The following USP43 variants were observed in gnomAD, a reference collection of about 807,000 sequenced individuals.
USP43 encodes the protein ubiquitin carboxyl-terminal hydrolase 43.
Under a neutral mutation model 90.7 loss-of-function variants are expected in USP43, and 33 were observed. That is an observed-to-expected ratio of 0.36 (90% CI 0.28 to 0.49). USP43 has a LOEUF of 0.49. USP43 is among the 20% of genes least tolerant of loss of function. The pLI is 0.98. For synonymous variants in USP43, 598 were observed against 615.8 expected (o/e 0.97, Z 0.43); for missense variants, 1,274 against 1,476.4 (o/e 0.86, Z 2.25).
Position 9,645,739 on chromosome 17 carries a change from G to A in USP43, c.107G>A (p.Gly36Asp), listed in dbSNP as rs1911334200. ...TTCAGCCGCTTCCTGCTGGCGCTGGGCAGCCGCTCACGCCCCGGGGACTCA... is the reference window on the plus strand; with the variant it reads ...TTCAGCCGCTTCCTGCTGGCGCTGGACAGCCGCTCACGCCCCGGGGACTCA... Reference protein sequence around the residue: ...RLFSRFLLALGSRSRPGDSPP... With the variant: ...RLFSRFLLALDSRSRPGDSPP... The change falls in exon 1 of 15, where the codon GGC becomes GAC. Residue 36 changes from glycine to aspartate, a missense_variant. Coordinates refer to ENST00000285199, the MANE Select transcript of USP43 (RefSeq NM_153210.5). The surrounding 1 kb of genome is among the most constrained non-coding windows in gnomAD (Gnocchi z 6.8). 1 of 1,378,128 alleles carries A rather than the reference G, an allele frequency of 7.3e-7. No homozygotes were observed. The allele number at this position is 1,378,128 out of a possible 1,614,324, so 85.4% of individuals were successfully genotyped here.
chr17:9,688,111 A>AC (rs1343261967), intron 8 of USP43, among the ~76,000 whole-genome samples: 1 of 151,358 alleles, frequency 6.6e-6, no homozygotes, highest in Non-Finnish European at 1.5e-5. Flanking sequence ...TCAGCCTCCC[A>AC]AGTAGCTGGG....
intron 1 of USP43, chr17:9,647,071 A>G (rs1911466472): frequency 1.3e-5 from 2 of 148,246 alleles, no homozygotes; most frequent in Non-Finnish European, 1.5e-5. Flanking sequence ...CAAAAAAAAA[A>G]AAAAAAAAAA....
chr17:9,655,271 G>A (rs571987328), intron 1 of USP43, among the ~76,000 whole-genome samples: 19 of 152,100 alleles, frequency 1.2e-4, no homozygotes, highest in Non-Finnish European at 1.5e-4. Flanking sequence ...CGGCCATCAC[G>A]TGCTGTGTGC....
intron 13 of USP43, 29 bp downstream of exon 13, chr17:9,710,143 G>A (rs369975090): frequency 1.4e-6 from 2 of 1,410,448 alleles, no homozygotes; most frequent in East Asian, 2.7e-5. Context: ...GACAGGAGGG[G>A]GGTGTGGGGA....
chr17:9,714,585 A>T (rs867496942), intron 14 of USP43, among the ~76,000 whole-genome samples: 11 of 149,828 alleles, frequency 7.3e-5, no homozygotes, highest in South Asian at 4.3e-4. Flanking sequence ...CAGGAGGCTG[A>T]GGCAGGGGAA....
chr17:9,715,479 T>C (rs979794664), intron 14 of USP43, among the ~76,000 whole-genome samples: 24 of 152,072 alleles, frequency 1.6e-4, no homozygotes, highest in African/African-American at 5.3e-4. Flanking sequence ...AAACCAGCAT[T>C]ACTATGTAAG....
chr17:9,669,817 A>T (rs1913278712), intron 3 of USP43: 1 of 152,624 alleles, frequency 6.6e-6, no homozygotes, highest in Admixed American at 6.5e-5. Context: ...AGTGGGAATA[A>T]TCCTGGCAAG....
At chr17:9,704,608 C>T (rs141028464) in intron 12 of USP43, among the ~76,000 whole-genome samples, 24 of 152,294 alleles carry the variant, frequency 1.6e-4, no homozygotes, top group Non-Finnish European at 2.6e-4. Context: ...TGAGCCACTG[C>T]GCCTGGCCTA....
rs373287152 is a variant in USP43, at chr17:9,728,372, T to C, written c.2754T>C (p.Asn918=). The part of the protein sequence containing the change: ...GPNTARKLKE[N]AGQDIKLPRK... ...ACACAGCAAGGAAACTCAAGGAAAA[T>C]GCAGGGCAGGACATCAAGCTTCCCA... Residue 918 remains asparagine, a synonymous_variant, in exon 15 of 15, where the codon AAT becomes AAC. Transcript: ENST00000285199. The surrounding 1 kb of genome is among the most constrained non-coding windows in gnomAD (Gnocchi z 6.2). The C allele has an allele frequency of 1.9e-5, 30 of 1,608,822 alleles. No homozygotes were observed. The African/African-American group carries it at 3.1e-4, about 16-fold the overall frequency.
rs1912256880 is a variant in USP43 at position 9,656,469 on chromosome 17, C to T, written c.571C>T (p.Leu191Phe). 1 of 1,610,370 alleles carries T rather than the reference C, an allele frequency of 6.2e-7. No homozygotes were observed. The highest frequency in any genetic ancestry group is 8.5e-7 in the Non-Finnish European group (1 of 1,178,418). Residue 191 changes from leucine to phenylalanine, a missense_variant, in exon 2 of 15, where the codon CTC (leucine) becomes TTC (phenylalanine). Physicochemically the swap from Leu to Phe is conservative, Grantham distance 22. Around this residue, in one of 6 missense-constraint regions of USP43, gnomAD observed 259 missense variants for 373.7 expected, o/e 0.69. Transcript: ENST00000285199. ...NSQHDALEFL[L>F]WLLDRVHEDL... ...CCAGCACGACGCCCTGGAATTCCTG[C>T]TCTGGTTGCTGGATCGTGTACATGA...
At chr17:9,683,693 A>G (rs1242696656) in intron 7 of USP43, among the ~76,000 whole-genome samples, 1 of 152,154 alleles carries the variant, frequency 6.6e-6, no homozygotes, top group East Asian at 1.9e-4. Context: ...GTATTACAAT[A>G]TTTTAATAAT....
chr17:9,683,516 T>G (rs1179629136), intron 7 of USP43, among the ~76,000 whole-genome samples: 1 of 152,156 alleles, frequency 6.6e-6, no homozygotes, highest in African/African-American at 2.4e-5. Context: ...TAATAATAAT[T>G]AAACTATTAT....
rs1351886689 is a variant in USP43 at position 9,646,032 on chromosome 17, T to C, written c.400T>C (p.Tyr134His). The C allele has an allele frequency of 2.5e-5, 38 of 1,491,330 alleles. No individual in the cohort carries two copies. The highest frequency in any genetic ancestry group is 2.0e-5 in the Non-Finnish European group (22 of 1,122,384). 92.4% of individuals were successfully genotyped at this position (1,491,330 alleles called of 1,614,324 possible). ...GGCCGAGTTCCTGGCGCTGGGGCGC[T>C]ACCGGGCGGCTCCGGGCCGCGCCGA... ...LLAEFLALGR[Y>H]RAAPGRAEVT... The change falls in exon 1 of 15, where the codon TAC becomes CAC. Residue 134 changes from tyrosine (Y) to histidine (H), a missense_variant. Physicochemically the swap from Tyr to His is moderately conservative, Grantham distance 83. This residue lies in a region of USP43 where 259 missense variants were observed against 373.7 expected (regional missense o/e 0.69). Coordinates refer to ENST00000285199, the MANE Select transcript of USP43 (RefSeq NM_153210.5).
At chr17:9,666,217 C>T (rs749317555) in intron 2 of USP43, among the ~76,000 whole-genome samples, 2 of 152,062 alleles carry the variant, frequency 1.3e-5, no homozygotes, top group Non-Finnish European at 2.9e-5. Context: ...AAAATGTGGG[C>T]AGGAATGATT....
chr17:9,708,148 T>G lies in USP43; in HGVS notation c.2012-1808T>G, dbSNP rs1341018103. 2.0e-5 allele frequency among the ~76,000 whole-genome samples: 3 copies of G among 152,172 alleles called. No homozygotes were observed. In the East Asian group the frequency reaches 5.8e-4, roughly 29 times the overall value. On this transcript the variant is annotated intron_variant, in intron 12 of 14. Transcript: ENST00000285199. ...GAAAGCATTCGGTGTGTTTAAGACA[T>G]GATGACAGCCTGGATGAAGTGTAGC...
Position 9,674,868 on chromosome 17 carries a change from G to A in USP43, c.741-23G>A, listed in dbSNP as rs1245093650. On this transcript the variant is annotated intron_variant, in intron 3 of 14. Coordinates refer to ENST00000285199, the MANE Select transcript of USP43 (RefSeq NM_153210.5). This position sits in a 1 kb window ranked among gnomAD's most constrained non-coding sequence, Gnocchi z 4.4. ...ATTGTTTACGTGTGATTAAACGTTC[G>A]CCTCTGTTCTTCACCCTCACAGATC... 4 of 1,599,720 alleles carry A rather than the reference G, an allele frequency of 2.5e-6. No homozygotes were observed. The highest frequency in any genetic ancestry group is 1.3e-5 in the African/African-American group (1 of 74,660).
At chr17:9,670,435 T>C (rs1053346395) in intron 3 of USP43, among the ~76,000 whole-genome samples, 3 of 151,872 alleles carry the variant, frequency 2.0e-5, no homozygotes, top group African/African-American at 7.3e-5. Flanking sequence ...GCAATGGTGG[T>C]TGGAACTGCA....
chr17:9,655,796 C>T lies in USP43; in HGVS notation c.505-607C>T, dbSNP rs117404777. ...AAGGGCTGGCTCAGCCATTTGATGC[C>T]CTAACCACAGAAACAAGTTTGTATC... On this transcript the variant is annotated intron_variant, in intron 1 of 14. Transcript: ENST00000285199. Among the ~76,000 whole-genome samples the T allele has an allele frequency of 7.9e-5, 12 of 152,248 alleles. No homozygotes were observed. In the East Asian group the frequency reaches 2.1e-3, roughly 27 times the overall value.
Position 9,729,310 on chromosome 17 carries a change from G to C in USP43, c.*320G>C, listed in dbSNP as rs186609445. ...AAGAGTTTTGGATGTGGGCAAACAA[G>C]ATGAGGCTGGTTTAATAAGAATCTT... On this transcript the variant is annotated 3_prime_UTR_variant, in exon 15 of 15. Coordinates refer to ENST00000285199, the MANE Select transcript of USP43 (RefSeq NM_153210.5). 4 of 194,480 alleles carry C rather than the reference G, an allele frequency of 2.1e-5. No homozygotes were observed. The Admixed American group carries it at 2.4e-4, about 12-fold the overall frequency. 12.0% of individuals were successfully genotyped at this position (194,480 alleles called of 1,614,324 possible).
Sources: allele counts gnomAD v4.1 joint callset (sites outside exome capture counted in the v4.1 genomes callset), GRCh38; gene constraint gnomAD v4.1.1; regional missense constraint gnomAD v4.1.1; non-coding constraint Gnocchi (gnomAD v3.1); transcripts MANE v1.5; gene names NCBI Gene and HGNC (gene_info 2026-07-23, HGNC 2026-07-21).